Variants in DHX9 observed in about 807,000 individuals in gnomAD.
DHX9 encodes the protein ATP-dependent RNA helicase A.
DHX9 carries 27 observed loss-of-function variants against 148.7 expected under a neutral mutation model. The ratio of observed to expected loss-of-function variants is 0.18; its 90% CI spans 0.13 to 0.25. The LOEUF is 0.25. Among genes scored for constraint, DHX9 ranks in the 10% least tolerant of loss-of-function variants. The pLI is 1.00. For missense variants in DHX9, 796 were observed against 1,559.6 expected (o/e 0.51, Z 8.25); for synonymous variants, 529 against 516.6 (o/e 1.02, Z -0.33).
intron 20 of DHX9, among the ~76,000 whole-genome samples, chr1:182,878,991 C>T (rs1488844237): frequency 6.6e-6 from 1 of 152,196 alleles, no homozygotes; most frequent in Admixed American, 6.5e-5. Context: ...ATAACATTCG[C>T]GATTTTGGAT....
intron 14 of DHX9, among the ~76,000 whole-genome samples, chr1:182,869,616 C>A (rs1571314114): frequency 6.7e-6 from 1 of 149,664 alleles, no homozygotes; most frequent in Non-Finnish European, 1.5e-5. Context: ...TTGGTCTTGT[C>A]CAGTCCAGTC....
chr1:182,862,350 AT>A (rs1174179646), intron 12 of DHX9, among the ~76,000 whole-genome samples: 2 of 152,226 alleles, frequency 1.3e-5, no homozygotes, highest in African/African-American at 4.8e-5. Flanking sequence ...ACTGAATTTT[AT>A]CCTTCGGTCT....
Position 182,887,222 on chromosome 1 carries a change from G to T in DHX9, c.3601G>T (p.Gly1201Cys). The change falls in exon 28 of 28, where the codon GGC becomes TGC. Residue 1201 changes from glycine to cysteine, a missense_variant. Gly to Cys is a radical substitution (Grantham distance 159). Transcript: ENST00000367549. Reference protein sequence around the residue: ...SGGYGSGGYGGSANSFRAGYG... With the variant: ...SGGYGSGGYGCSANSFRAGYG... Reference sequence around the variant, plus strand: ...AGGCTATGGTAGCGGAGGCTATGGTGGCAGCGCCAACTCCTTTCGGGCAGG... The same window carrying T: ...AGGCTATGGTAGCGGAGGCTATGGTTGCAGCGCCAACTCCTTTCGGGCAGG... 1 of 1,614,188 alleles carries T rather than the reference G, an allele frequency of 6.2e-7. No homozygotes were observed. Among genetic ancestry groups the T allele is most frequent in the African/African-American group, 1.3e-5 (1 of 75,048 alleles).
At chr1:182,849,928 C>T (rs1035361674) in intron 3 of DHX9, among the ~76,000 whole-genome samples, 1 of 139,094 alleles carries the variant, frequency 7.2e-6, no homozygotes, top group South Asian at 2.4e-4. Flanking sequence ...TTTATTTTTA[C>T]TTGTGTTTTT....
intron 27 of DHX9, among the ~76,000 whole-genome samples, chr1:182,885,485 T>G (rs1213316167): frequency 1.3e-5 from 2 of 152,258 alleles, no homozygotes; most frequent in Non-Finnish European, 2.9e-5. Context: ...ATACACTTCA[T>G]GTCTTTTAAG....
At chr1:182,850,019 A>T (rs1311247707) in intron 3 of DHX9, among the ~76,000 whole-genome samples, 1 of 130,230 alleles carries the variant, frequency 7.7e-6, no homozygotes, top group Non-Finnish European at 1.6e-5. Context: ...ATCAGCGTTC[A>T]GCTTTATTGA....
intron 6 of DHX9, among the ~76,000 whole-genome samples, chr1:182,856,219 T>C (rs1668248826): frequency 6.6e-6 from 1 of 152,254 alleles, no homozygotes; most frequent in Non-Finnish European, 1.5e-5. Context: ...TTCCTTTTCA[T>C]TGAATGTGTT....
Position 182,845,921 on chromosome 1 carries a change from C to T in DHX9, c.252+2487C>T, listed in dbSNP as rs573770476. Among the ~76,000 whole-genome samples, 5 of 152,320 alleles carry T rather than the reference C, an allele frequency of 3.3e-5. No individual in the cohort carries two copies. In the South Asian group the frequency reaches 6.2e-4, roughly 19 times the overall value. ...CATTCTTCAGGAACCTCCACCTGTT[C>T]GGCCATTTGGAAGCCCTCCAAACCC... On this transcript the variant is annotated intron_variant, in intron 3 of 27. Transcript: ENST00000367549.
chr1:182,877,601 A>C (rs752640260), intron 19 of DHX9: 2 of 157,534 alleles, frequency 1.3e-5, no homozygotes, highest in Non-Finnish European at 2.8e-5. Context: ...TGGGGGTTCA[A>C]ATGGACCACA....
At chr1:182,844,031 C>T (rs1667979912) in intron 3 of DHX9, among the ~76,000 whole-genome samples, 1 of 152,190 alleles carries the variant, frequency 6.6e-6, no homozygotes, top group Non-Finnish European at 1.5e-5. Flanking sequence ...TCACTGCAGC[C>T]TCCGCCTCCT....
At chr1:182,845,259 CTATTCTT>C (rs919339830) in intron 3 of DHX9, among the ~76,000 whole-genome samples, 2 of 152,132 alleles carry the variant, frequency 1.3e-5, no homozygotes, top group African/African-American at 2.4e-5. Flanking sequence ...AAGTCTCCCT[CTATTCTT>C]TATCTTTTAG....
chr1:182,875,041 G>T, intron 16 of DHX9, 87 bp downstream of exon 16: 1 of 1,030,904 alleles, frequency 9.7e-7, no homozygotes, highest in Non-Finnish European at 1.5e-6. Context: ...CAATGTATTA[G>T]CATTACAGCA....
chr1:182,878,563 CTT>C (rs147643568), intron 20 of DHX9, among the ~76,000 whole-genome samples: 1,768 of 152,252 alleles, frequency 0.012, 17 homozygotes, highest in South Asian at 0.056. Flanking sequence ...ATGTAAAATA[CTT>C]TGAACAGTGT....
intron 12 of DHX9, chr1:182,860,408 A>G: frequency 3.3e-6 from 1 of 306,360 alleles, no homozygotes; most frequent in Non-Finnish European, 5.9e-6. Flanking sequence ...TATCTGGGCT[A>G]AAGAGTCTCT....
At chr1:182,854,682 G>C (rs2102597515) in intron 6 of DHX9, among the ~76,000 whole-genome samples, 1 of 152,306 alleles carries the variant, frequency 6.6e-6, no homozygotes, top group East Asian at 1.9e-4. Context: ...AAATTTAAGG[G>C]CTTATCGTAA....
chr1:182,862,346 T>G (rs1668377090), intron 12 of DHX9, among the ~76,000 whole-genome samples: 1 of 152,206 alleles, frequency 6.6e-6, no homozygotes, highest in Admixed American at 6.5e-5. Context: ...ACTCACTGAA[T>G]TTTATCCTTC....
intron 14 of DHX9, among the ~76,000 whole-genome samples, chr1:182,868,576 G>A (rs571687803): frequency 7.8e-5 from 11 of 140,208 alleles, no homozygotes; most frequent in South Asian, 2.2e-4. Context: ...GTGCAATGGC[G>A]CGATCTCGGC....
chr1:182,856,069 T>C (rs1232708297), intron 6 of DHX9, among the ~76,000 whole-genome samples: 1 of 152,214 alleles, frequency 6.6e-6, no homozygotes, highest in Non-Finnish European at 1.5e-5. Context: ...TGTATGTGCA[T>C]GTGTGAGTTT....
At chr1:182,840,167 C>T (rs1667894308) in intron 1 of DHX9, among the ~76,000 whole-genome samples, 1 of 151,938 alleles carries the variant, frequency 6.6e-6, no homozygotes, top group Admixed American at 6.6e-5. Context: ...TTCACTAGCC[C>T]GGGTGTGCAG....
Sources: gnomAD v4.1 joint callset for allele counts (sites outside exome capture counted in the v4.1 genomes callset) on GRCh38, gnomAD v4.1.1 for gene constraint, MANE v1.5 for transcripts, NCBI Gene and HGNC (gene_info 2026-07-23, HGNC 2026-07-21) for gene names.